Variants in NCOA3 observed in about 807,000 individuals in gnomAD.
The protein encoded by NCOA3 is CBP-interacting protein.
NCOA3 carries 51 observed loss-of-function variants against 158.8 expected under a neutral mutation model. The observed-to-expected ratio is 0.32, with a 90% CI of 0.26 to 0.41. The LOEUF (loss-of-function observed/expected upper bound fraction) is 0.41. NCOA3 is among the 10% of genes least tolerant of loss of function. The pLI, the probability that NCOA3 is intolerant of heterozygous loss-of-function variation, is 1.00. For missense variants in NCOA3, 1,510 were observed against 1,746.6 expected (o/e 0.86, Z 2.41); for synonymous variants, 537 against 592.4 (o/e 0.91, Z 1.36).
chr20:47,563,899 A>G (rs1239138428), intron 1 of NCOA3, among the ~76,000 whole-genome samples: 1 of 150,650 alleles, frequency 6.6e-6, no homozygotes, highest in Non-Finnish European at 1.5e-5. Context: ...AAAAAAAAAA[A>G]AAAAAGAAAG....
rs56997127 is a variant in NCOA3 at position 47,558,820 on chromosome 20, C to CTT, written c.-98-24344_-98-24343dup. Among the ~76,000 whole-genome samples the CTT allele has an allele frequency of 5.7e-3, 657 of 114,442 alleles. 12 individuals are homozygous for CTT. The highest frequency in any genetic ancestry group is 9.1e-3 in the African/African-American group (294 of 32,220). The allele number at this position is 114,442 out of a possible 152,430, so 75.1% of individuals were successfully genotyped here. On this transcript the variant is annotated intron_variant, in intron 1 of 22. Transcript: ENST00000371998. ...AACCCTTCACTCCCTACTTTTTTCACTTTTTTTTTTTTTTTTTTTTGGCCA... is the reference window on the plus strand; with the variant it reads ...AACCCTTCACTCCCTACTTTTTTCACTTTTTTTTTTTTTTTTTTTTTTGGCCA...
intron 20 of NCOA3, 64 bp downstream of exon 20, chr20:47,651,340 A>G (rs2086791959): frequency 6.5e-7 from 1 of 1,531,158 alleles, no homozygotes; most frequent in Non-Finnish European, 8.8e-7. Context: ...AAGCTTCATT[A>G]CATTTATTGC....
intron 1 of NCOA3, 68 bp downstream of exon 1, chr20:47,502,087 G>C (rs556649719): frequency 5.3e-4 from 213 of 399,122 alleles, no homozygotes; most frequent in Non-Finnish European, 7.7e-4. Flanking sequence ...GGGAAGAGGG[G>C]CGAGTTCCCC....
chr20:47,584,766 ATGGCAGAAATAGAGAAAAATCTGC>A (rs1258061378), intron 2 of NCOA3, among the ~76,000 whole-genome samples: 25 of 152,304 alleles, frequency 1.6e-4, no homozygotes, highest in African/African-American at 5.8e-4. Flanking sequence ...TGTCTTAGGC[ATGGCAGAAATAGAGAAAAATCTGC>A]GTATAACAGA....
intron 4 of NCOA3, 143 bp downstream of exon 4, chr20:47,624,226 G>A (rs371530902): frequency 1.6e-6 from 1 of 627,240 alleles, no homozygotes; most frequent in Non-Finnish European, 2.7e-6. Context: ...TACGTTTGTG[G>A]TGCATTTTAT....
At chr20:47,598,845 T>C (rs1285876408) in intron 2 of NCOA3, among the ~76,000 whole-genome samples, 1 of 152,236 alleles carries the variant, frequency 6.6e-6, no homozygotes, top group Non-Finnish European at 1.5e-5. Context: ...AGTACAGTCA[T>C]GTAGCATATA....
At chr20:47,521,077 T>A (rs931436512) in intron 1 of NCOA3, among the ~76,000 whole-genome samples, 1 of 152,202 alleles carries the variant, frequency 6.6e-6, no homozygotes, top group Non-Finnish European at 1.5e-5. Flanking sequence ...TTCCTTGGTG[T>A]GTGCACAGAG....
intron 1 of NCOA3, among the ~76,000 whole-genome samples, chr20:47,522,169 C>G (rs1291405646): frequency 8.0e-6 from 1 of 124,516 alleles, no homozygotes; most frequent in African/African-American, 3.1e-5. Context: ...GTGGAGCGAT[C>G]TCGGTTCACT....
At chr20:47,554,774 C>T (rs2084976232) in intron 1 of NCOA3, among the ~76,000 whole-genome samples, 5 of 152,066 alleles carry the variant, frequency 3.3e-5, no homozygotes, top group Admixed American at 6.6e-5. Context: ...TGAAAAAGGC[C>T]ATACTGCCCA....
chr20:47,556,363 AACTC>A (rs951490480), intron 1 of NCOA3, among the ~76,000 whole-genome samples: 2 of 152,230 alleles, frequency 1.3e-5, no homozygotes, highest in Non-Finnish European at 2.9e-5. Flanking sequence ...TTTTGTGACT[AACTC>A]CACAAGGTTA....
intron 1 of NCOA3, among the ~76,000 whole-genome samples, chr20:47,531,154 C>T (rs984418772): frequency 3.3e-5 from 5 of 152,084 alleles, no homozygotes; most frequent in South Asian, 2.1e-4. Context: ...GCCTGGCCAA[C>T]GTGGTGAAGC....
chr20:47,570,920 T>C (rs960353009), intron 1 of NCOA3, among the ~76,000 whole-genome samples: 2 of 142,652 alleles, frequency 1.4e-5, no homozygotes, highest in Non-Finnish European at 3.0e-5. Flanking sequence ...CGTGCACCGT[T>C]AATGAGCAGT....
chr20:47,580,215 G>A (rs1459668713), intron 1 of NCOA3, among the ~76,000 whole-genome samples: 3 of 151,972 alleles, frequency 2.0e-5, no homozygotes, highest in Non-Finnish European at 2.9e-5. Flanking sequence ...CCTTCTACAC[G>A]AGGCAGCAGT....
chr20:47,620,065 A>G (rs1602496195), intron 2 of NCOA3, among the ~76,000 whole-genome samples: 1 of 151,306 alleles, frequency 6.6e-6, no homozygotes, highest in South Asian at 2.1e-4. Flanking sequence ...AAGTGGTGGG[A>G]TTACAGGCGT....
At chr20:47,642,410 G>T in intron 17 of NCOA3, 26 bp downstream of exon 17, 3 of 1,562,768 alleles carry the variant, frequency 1.9e-6, no homozygotes, top group Admixed American at 2.0e-5. Flanking sequence ...ATGGAAGTAG[G>T]AGAGTGTATA....
intron 1 of NCOA3, among the ~76,000 whole-genome samples, chr20:47,563,903 A>G (rs908513403): frequency 6.8e-5 from 10 of 146,938 alleles, no homozygotes; most frequent in East Asian, 3.9e-4. Flanking sequence ...AAAAAAAAAA[A>G]AGAAAGAAAA....
chr20:47,647,886 G>GT (rs140010942), intron 18 of NCOA3, among the ~76,000 whole-genome samples: 2,385 of 130,712 alleles, frequency 0.018, 69 homozygotes, highest in African/African-American at 0.058. Context: ...AATGCCTGAG[G>GT]TTTTTTTTTT....
intron 1 of NCOA3, among the ~76,000 whole-genome samples, chr20:47,561,002 C>CT (rs2085094803): frequency 8.2e-6 from 1 of 121,906 alleles, no homozygotes; most frequent in South Asian, 2.7e-4. Flanking sequence ...GATAGGGTCT[C>CT]TGTCACCCGG....
At chr20:47,579,291 A>G (rs187826235) in intron 1 of NCOA3, among the ~76,000 whole-genome samples, 1 of 152,322 alleles carries the variant, frequency 6.6e-6, no homozygotes, top group East Asian at 1.9e-4. Context: ...GGTTTTGGTA[A>G]TGTAGATGTC....
Sources: gnomAD v4.1 joint callset for allele counts (sites outside exome capture counted in the v4.1 genomes callset) on GRCh38, gnomAD v4.1.1 for gene constraint, MANE v1.5 for transcripts, NCBI Gene and HGNC (gene_info 2026-07-23, HGNC 2026-07-21) for gene names.